The following MPDZ variants were observed in gnomAD, a reference collection of about 807,000 sequenced individuals.
MPDZ encodes the protein multiple PDZ domain protein.
MPDZ carries 234 observed loss-of-function variants against 239.1 expected under a neutral mutation model. The ratio of observed to expected loss-of-function variants is 0.98; its 90% confidence interval spans 0.88 to 1.09. MPDZ has a LOEUF of 1.09. Ranked by LOEUF, MPDZ falls within the 50% of genes least tolerant of loss-of-function variation. The pLI is 0.00. For missense variants in MPDZ, 3,175 were observed against 2,510.0 expected (o/e 1.26, Z -5.66); for synonymous variants, 1,048 against 881.3 (o/e 1.19, Z -3.35).
Position 13,219,598 on chromosome 9 carries a change from G to A in MPDZ, c.1047C>T (p.Ile349=). The A allele has an allele frequency of 1.9e-6, 3 of 1,612,300 alleles. No individual in the cohort carries two copies. The highest frequency in any genetic ancestry group is 2.5e-6 in the Non-Finnish European group (3 of 1,179,012). The change falls in exon 8 of 47, where the codon ATC becomes ATT. Residue 349 remains isoleucine, a synonymous_variant. Transcript: ENST00000319217. ...TTGAAGTTGGGGATGAGGAGAGGGT[G>A]ATGCCCAAAGCAGTGGGTGCTGTAC... ...EERTAPTALG[I]TLSSSPTSTP... is the part of the protein sequence containing the mutation.
At position 13,121,828 on chromosome 9, in the gene MPDZ, T is replaced by C. The variant is rs182389570; in HGVS notation, c.5142A>G (p.Pro1714=). 509 of 1,613,968 alleles carry C rather than the reference T, an allele frequency of 3.2e-4. 1 individual carries two copies. The Admixed American group carries it at 5.5e-3, about 17-fold the overall frequency. ...VRLTLYRDEA[P]YKEEEVCDTL... is the part of the protein sequence containing the mutation. The stretch of plus-strand genomic sequence containing the variant: ...TGTCACACACTTCCTCCTCTTTGTA[T>C]GGGGCCTCATCTCTGTAGAGTGTCA... The change falls in exon 38 of 47, where the codon CCA becomes CCG. Residue 1714 remains proline (P), a synonymous_variant. Coordinates refer to ENST00000319217, the MANE Select transcript of MPDZ (RefSeq NM_001378778.1).
rs1371766420 is a variant in MPDZ, at chr9:13,193,291, C to T, written c.1679G>A (p.Ser560Asn). ...GCTTATCCCCAATCCACTGTTCTCA[C>T]TAAACTTGCTCACATGGGCCACCTG... The part of the protein sequence containing the change: ...EIVVAHVSKF[S>N]ENSGLGISLE... The change falls in exon 14 of 47, where the codon AGT (serine) becomes AAT (asparagine). Residue 560 changes from serine to asparagine, a missense_variant. Physicochemically the swap from Ser to Asn is conservative, Grantham distance 46. Coordinates refer to ENST00000319217, the MANE Select transcript of MPDZ (RefSeq NM_001378778.1). The T allele has an allele frequency of 1.9e-6, 3 of 1,607,366 alleles. No homozygotes were observed. Among genetic ancestry groups the T allele is most frequent in the Admixed American group, 1.7e-5 (1 of 59,546 alleles).
chr9:13,254,016 T>G (rs780339661), intron 1 of MPDZ, among the ~76,000 whole-genome samples: 4 of 152,228 alleles, frequency 2.6e-5, no homozygotes, highest in Non-Finnish European at 4.4e-5. Context: ...ACAAGCCATC[T>G]AGCTCCAGAG....
At chr9:13,218,740 C>T (rs547256826) in intron 8 of MPDZ, among the ~76,000 whole-genome samples, 41 of 151,912 alleles carry the variant, frequency 2.7e-4, no homozygotes, top group African/African-American at 6.7e-4. Context: ...GAATATAGGA[C>T]GTGTATTTAC....
Position 13,236,261 on chromosome 9 carries a change from ATATATATTTTTTTTT to A in MPDZ, c.183+11359_183+11373del, listed in dbSNP as rs1341528996. Among the ~76,000 whole-genome samples the A allele has an allele frequency of 2.8e-3, 61 of 21,630 alleles. 10 individuals carry two copies. Among genetic ancestry groups the A allele is most frequent in the Middle Eastern group, 0.05 (2 of 40 alleles). The allele number at this position is 21,630 out of a possible 152,430, so 14.2% of individuals were successfully genotyped here. A position where few individuals can be genotyped will look rare whatever the true frequency, so the allele number is the denominator to read the frequency against. On this transcript the variant is annotated intron_variant, in intron 3 of 46. Coordinates refer to ENST00000319217, the MANE Select transcript of MPDZ (RefSeq NM_001378778.1). Reference sequence around the variant, plus strand: ...TGTGTGTGTGTGTGTATATATATATATATATATTTTTTTTTTTTTTTTTTTTTTTTTTTGAGACAG... The same window carrying A: ...TGTGTGTGTGTGTGTATATATATATATTTTTTTTTTTTTTTTTTGAGACAG...
At chr9:13,221,250 T>C in intron 7 of MPDZ, 122 bp downstream of exon 7, 1 of 1,101,418 alleles carries the variant, frequency 9.1e-7, no homozygotes, top group Non-Finnish European at 1.2e-6. Flanking sequence ...AAACGAAAGA[T>C]TCTAACTCAA....
At chr9:13,247,490 G>C (rs1053782585) in intron 3 of MPDZ, 145 bp downstream of exon 3, 1 of 804,484 alleles carries the variant, frequency 1.2e-6, no homozygotes, top group African/African-American at 1.7e-5. Flanking sequence ...AAGCCACAGT[G>C]AATCTGAATG....
intron 1 of MPDZ, among the ~76,000 whole-genome samples, chr9:13,261,720 C>T (rs1366769190): frequency 6.6e-6 from 1 of 152,020 alleles, no homozygotes; most frequent in Admixed American, 6.5e-5. Context: ...CCAAATAAAA[C>T]ATAAATCCAC....
chr9:13,215,753 G>GTTTTTTTTTTTTTTTTT (rs56281339), intron 10 of MPDZ, among the ~76,000 whole-genome samples: 16 of 89,052 alleles, frequency 1.8e-4, no homozygotes, highest in Non-Finnish European at 2.4e-4. Context: ...TCTATTGCAG[G>GTTTTTTTTTTTTTTTTT]TTTTTTTTTT....
chr9:13,248,317 C>A (rs566690086), intron 2 of MPDZ, among the ~76,000 whole-genome samples: 326 of 151,396 alleles, frequency 2.2e-3, no homozygotes, highest in African/African-American at 7.3e-3. Flanking sequence ...TATTTTAAAT[C>A]TTTCTCCAAA....
intron 10 of MPDZ, among the ~76,000 whole-genome samples, chr9:13,212,054 G>A (rs1366072165): frequency 3.3e-5 from 5 of 151,930 alleles, no homozygotes; most frequent in Admixed American, 6.6e-5. Context: ...TAGAACTTTA[G>A]GCTGTTTTTT....
chr9:13,246,141 GA>G (rs1966536873), intron 3 of MPDZ, among the ~76,000 whole-genome samples: 1 of 152,090 alleles, frequency 6.6e-6, no homozygotes, highest in Non-Finnish European at 1.5e-5. Flanking sequence ...AATCCATTCT[GA>G]AAACCAGTAC....
chr9:13,134,015 T>C, intron 31 of MPDZ, 111 bp from the exon 32 acceptor site: 1 of 382,798 alleles, frequency 2.6e-6, no homozygotes, highest in Non-Finnish European at 4.6e-6. Flanking sequence ...TATAAAATTA[T>C]TTTACATTTA....
rs375292259 is a variant in MPDZ at position 13,126,675 on chromosome 9, C to G, written c.4557+5G>C. The stretch of plus-strand genomic sequence containing the variant: ...CTTAATGACAGCAAGAAAGGTAAAC[C>G]TCACCGTGGCTGCTACCCCATGCTC... On this transcript the variant is annotated splice_donor_5th_base_variant and intron_variant, in intron 33 of 46. Coordinates refer to ENST00000319217, the MANE Select transcript of MPDZ (RefSeq NM_001378778.1). The G allele has an allele frequency of 2.5e-6, 4 of 1,613,474 alleles. No homozygotes were observed. The highest frequency in any genetic ancestry group is 1.1e-5 in the South Asian group (1 of 91,048).
chr9:13,132,535 A>C (rs1433358203), intron 32 of MPDZ, among the ~76,000 whole-genome samples: 1 of 152,212 alleles, frequency 6.6e-6, no homozygotes, highest in African/African-American at 2.4e-5. Flanking sequence ...TAGATGTGGA[A>C]ACAGAAAACA....
At position 13,136,137 on chromosome 9, in the gene MPDZ, T is replaced by G. The variant is rs1946702451; in HGVS notation, c.4338A>C (p.Ala1446=). 8 of 1,613,034 alleles carry G rather than the reference T, an allele frequency of 5.0e-6. No homozygotes were observed. In the Admixed American group the frequency reaches 1.3e-4, roughly 27 times the overall value. ...VNQMAVCPGN[A]VEPLPSNSEN... ...CTGAGTTAGAAGGCAAAGGTTCTACTGCATTTCCAGGACATACGGCCATCT... is the reference window on the plus strand; with the variant it reads ...CTGAGTTAGAAGGCAAAGGTTCTACGGCATTTCCAGGACATACGGCCATCT... Residue 1446 remains alanine (A), a synonymous_variant, in exon 31 of 47, where the codon GCA becomes GCC. Transcript: ENST00000319217.
intron 1 of MPDZ, among the ~76,000 whole-genome samples, chr9:13,252,859 G>A (rs912068441): frequency 6.6e-6 from 1 of 151,966 alleles, no homozygotes; most frequent in African/African-American, 2.4e-5. Flanking sequence ...AAAAAAGCAT[G>A]GACTAGAGAG....
chr9:13,221,497 G>A lies in MPDZ; in HGVS notation c.751C>T (p.His251Tyr), dbSNP rs1416039294. The change falls in exon 7 of 47, where the codon CAC (histidine) becomes TAC (tyrosine). Residue 251 changes from histidine to tyrosine, a missense_variant. Physicochemically the swap from His to Tyr is moderately conservative, Grantham distance 83 (BLOSUM62 2). Coordinates refer to ENST00000319217, the MANE Select transcript of MPDZ (RefSeq NM_001378778.1). Reference protein sequence around the residue: ...STISAHSNPVHWQHMETIELV... With the variant: ...STISAHSNPVYWQHMETIELV... ...TCAATCGTTTCCATGTGTTGCCAGT[G>A]AACCTACAAACAAAGCTCATATATG... The A allele has an allele frequency of 1.2e-6, 2 of 1,609,310 alleles. No homozygotes were observed.
intron 1 of MPDZ, among the ~76,000 whole-genome samples, chr9:13,253,184 A>G (rs1303327768): frequency 6.7e-6 from 1 of 149,488 alleles, no homozygotes; most frequent in Non-Finnish European, 1.5e-5. Flanking sequence ...GTTATGTTAA[A>G]ACAGAATTAC....
Sources: allele counts gnomAD v4.1 joint callset (sites outside exome capture counted in the v4.1 genomes callset), GRCh38; gene constraint gnomAD v4.1.1; transcripts MANE v1.5; gene names NCBI Gene and HGNC (gene_info 2026-07-23, HGNC 2026-07-21).